The following DLC1 variants were observed in gnomAD, a reference collection of about 807,000 sequenced individuals.
DLC1 encodes DLC1 Rho GTPase activating protein.
A neutral mutation model predicts 140.3 loss-of-function variants in DLC1; 54 were observed. The observed-to-expected ratio is 0.38, with a 90% CI of 0.31 to 0.48. DLC1 has a LOEUF of 0.48. Ranked by LOEUF, DLC1 falls within the 20% of genes least tolerant of loss-of-function variation. The pLI is 0.96. For missense variants in DLC1, 2,536 were observed against 1,907.0 expected (o/e 1.33, Z -6.14); for synonymous variants, 986 against 728.1 (o/e 1.35, Z -5.70).
intron 5 of DLC1, among the ~76,000 whole-genome samples, chr8:13,143,402 A>T (rs1421415076): frequency 6.6e-6 from 1 of 152,148 alleles, no homozygotes; most frequent in Non-Finnish European, 1.5e-5. Flanking sequence ...ACAAAATATG[A>T]CATATGTGAT....
intron 1 of DLC1, among the ~76,000 whole-genome samples, chr8:13,570,035 T>A (rs1379106029): frequency 6.6e-6 from 1 of 152,244 alleles, no homozygotes; most frequent in Non-Finnish European, 1.5e-5. Flanking sequence ...AGCCCAGAAT[T>A]ATTTTTCTAA....
chr8:13,331,345 A>G (rs1000010748), intron 4 of DLC1, among the ~76,000 whole-genome samples: 1 of 152,204 alleles, frequency 6.6e-6, no homozygotes. Context: ...ATCTGAGGCT[A>G]TGAATCCATG....
chr8:13,568,646 G>A (rs961043447), intron 1 of DLC1, among the ~76,000 whole-genome samples: 1 of 152,136 alleles, frequency 6.6e-6, no homozygotes, highest in African/African-American at 2.4e-5. Context: ...TAATGGCTAA[G>A]TAGAGAAAAA....
At chr8:13,377,887 G>T (rs1407566096) in intron 4 of DLC1, among the ~76,000 whole-genome samples, 2 of 151,246 alleles carry the variant, frequency 1.3e-5, no homozygotes, top group Non-Finnish European at 3.0e-5. Context: ...ACCAGAAGAT[G>T]GCAGCATTCT....
intron 5 of DLC1, among the ~76,000 whole-genome samples, chr8:13,155,970 A>G (rs1469386657): frequency 1.3e-5 from 2 of 152,106 alleles, no homozygotes; most frequent in Non-Finnish European, 2.9e-5. Context: ...GATTTTTTAG[A>G]CATTTGAAAA....
chr8:13,170,463 G>A (rs1015939952), intron 5 of DLC1, among the ~76,000 whole-genome samples: 2 of 152,170 alleles, frequency 1.3e-5, no homozygotes, highest in Non-Finnish European at 1.5e-5. Context: ...GGGCGCGGTG[G>A]CTCACGCCTG....
At chr8:13,568,128 T>C (rs1464615042) in intron 1 of DLC1, 3 of 703,650 alleles carry the variant, frequency 4.3e-6, no homozygotes, top group Admixed American at 3.5e-5. Context: ...TAAAAACTTT[T>C]ACAAAATTCC....
At chr8:13,402,948 A>G (rs1837363833) in intron 2 of DLC1, among the ~76,000 whole-genome samples, 1 of 152,220 alleles carries the variant, frequency 6.6e-6, no homozygotes, top group South Asian at 2.1e-4. Flanking sequence ...TATCTTTCAC[A>G]TGTCGGATAA....
intron 1 of DLC1, among the ~76,000 whole-genome samples, chr8:13,580,269 A>C (rs2898368): frequency 0.99 from 150,101 of 152,086 alleles, 74,114 homozygotes; most frequent in East Asian, 1. Flanking sequence ...CCTACAGGCG[A>C]CCGCCACCAC....
intron 4 of DLC1, among the ~76,000 whole-genome samples, chr8:13,370,336 C>T (rs1270960044): frequency 1.3e-5 from 2 of 152,132 alleles, no homozygotes; most frequent in Non-Finnish European, 2.9e-5. Flanking sequence ...CACTACTTGA[C>T]ATACAGTAGG....
At chr8:13,348,384 A>G (rs1834468740) in intron 4 of DLC1, among the ~76,000 whole-genome samples, 1 of 152,168 alleles carries the variant, frequency 6.6e-6, no homozygotes, top group Non-Finnish European at 1.5e-5. Context: ...CACACAAGGT[A>G]AATATTATTC....
At chr8:13,098,144 G>T (rs116354945) in intron 10 of DLC1, among the ~76,000 whole-genome samples, 1,548 of 150,450 alleles carry the variant, frequency 0.01, 21 homozygotes, top group African/African-American at 0.036. Context: ...AGAATCGCTA[G>T]AGCCCAGAAG....
chr8:13,547,100 A>G (rs1803677990), intron 1 of DLC1, among the ~76,000 whole-genome samples: 1 of 152,084 alleles, frequency 6.6e-6, no homozygotes, highest in African/African-American at 2.4e-5. Flanking sequence ...AAAATTTCAC[A>G]CTATATGATG....
intron 10 of DLC1, among the ~76,000 whole-genome samples, chr8:13,096,636 T>G (rs951137117): frequency 2.0e-5 from 3 of 151,982 alleles, no homozygotes; most frequent in Non-Finnish European, 4.4e-5. Flanking sequence ...TTTCTGTCAT[T>G]CAGAACAAAC....
At chr8:13,120,356 A>AAAAAAAAAAAAAAAAATATATATATAT in intron 5 of DLC1, among the ~76,000 whole-genome samples, 4 of 61,122 alleles carry the variant, frequency 6.5e-5, no homozygotes, top group African/African-American at 8.3e-5. Context: ...AAAAAAAAAA[A>AAAAAAAAAAAAAAAAATATATATATAT]ATATATATAT....
chr8:13,520,697 C>T (rs530307442), intron 1 of DLC1, among the ~76,000 whole-genome samples: 26 of 152,148 alleles, frequency 1.7e-4, no homozygotes, highest in East Asian at 7.7e-4. Flanking sequence ...GTCTTAGAAG[C>T]GAATGAGTCT....
At chr8:13,502,681 C>G (rs1801874563) in intron 1 of DLC1, among the ~76,000 whole-genome samples, 1 of 152,196 alleles carries the variant, frequency 6.6e-6, no homozygotes. Flanking sequence ...AGACTGACTT[C>G]TCCTGTGAGC....
At chr8:13,560,941 C>T (rs1251041699) in intron 1 of DLC1, among the ~76,000 whole-genome samples, 1 of 151,792 alleles carries the variant, frequency 6.6e-6, no homozygotes, top group Non-Finnish European at 1.5e-5. Context: ...GTGATAATAT[C>T]CTTTACAAAA....
In DLC1 at chr8:13,274,834, G is replaced by A. The variant is rs78047096; in HGVS notation, c.1348+30435C>T. On this transcript the variant is annotated intron_variant, in intron 5 of 17. Transcript: ENST00000276297. ...TTATTTATAGAATCTTTTCATTTGCGGCATTGTTTATTAAACAAGACAAAT... is the reference window on the plus strand; with the variant it reads ...TTATTTATAGAATCTTTTCATTTGCAGCATTGTTTATTAAACAAGACAAAT... Among the ~76,000 whole-genome samples the A allele has an allele frequency of 9.8e-3, 1,495 of 152,022 alleles. 34 individuals carry two copies. The highest frequency in any genetic ancestry group is 0.035 in the African/African-American group (1,440 of 41,464).
Sources: allele counts gnomAD v4.1 joint callset (sites outside exome capture counted in the v4.1 genomes callset), GRCh38; gene constraint gnomAD v4.1.1; transcripts MANE v1.5; gene names NCBI Gene and HGNC (gene_info 2026-07-23, HGNC 2026-07-21).